Variants in CDKAL1 observed in about 807,000 individuals in gnomAD.
The protein encoded by CDKAL1 is CDKAL1 threonylcarbamoyladenosine tRNA methylthiotransferase.
CDKAL1 carries 32 observed loss-of-function variants against 68.2 expected under a neutral mutation model. The ratio of observed to expected loss-of-function variants is 0.47; its 90% CI spans 0.35 to 0.63. The LOEUF (loss-of-function observed/expected upper bound fraction) is 0.63, where lower values mean the gene tolerates loss of function less well. Ranked by LOEUF, CDKAL1 falls within the 30% of genes least tolerant of loss-of-function variation. The pLI is 0.00. For missense variants in CDKAL1, 606 were observed against 696.7 expected (o/e 0.87, Z 1.47); for synonymous variants, 234 against 244.3 (o/e 0.96, Z 0.39).
intron 2 of CDKAL1, 85 bp from the exon 3 acceptor site, chr6:20,546,261 C>G (rs1375117763): frequency 9.5e-7 from 1 of 1,056,566 alleles, no homozygotes; most frequent in Non-Finnish European, 1.4e-6. Flanking sequence ...TGATTAGATT[C>G]AAATTTGGTG....
rs181964179 is a variant in CDKAL1, at chr6:20,815,808, T to A, written c.639-30267T>A. Among the ~76,000 whole-genome samples the A allele has an allele frequency of 1.1e-4, 17 of 152,336 alleles. No individual in the cohort carries two copies. The East Asian group carries it at 1.3e-3, about 12-fold the overall frequency. Reference sequence around the variant, plus strand: ...ATGTTGGTATGCATATAATTGCATGTTAATTTTAACACAACTGAGATCAGT... The same window carrying A: ...ATGTTGGTATGCATATAATTGCATGATAATTTTAACACAACTGAGATCAGT... On this transcript the variant is annotated intron_variant, in intron 8 of 15. Transcript: ENST00000274695.
chr6:20,788,254 A>T (rs1334903718), intron 8 of CDKAL1, among the ~76,000 whole-genome samples: 1 of 152,254 alleles, frequency 6.6e-6, no homozygotes, highest in Non-Finnish European at 1.5e-5. Flanking sequence ...TGTAGCTTAC[A>T]TCAAGTCACA....
At chr6:20,551,532 T>G (rs1266465287) in intron 4 of CDKAL1, among the ~76,000 whole-genome samples, 1 of 151,610 alleles carries the variant, frequency 6.6e-6, no homozygotes, top group Non-Finnish European at 1.5e-5. Context: ...CATGCCTGGC[T>G]AATTTTTTTG....
At chr6:20,738,323 G>C (rs1402733727) in intron 5 of CDKAL1, among the ~76,000 whole-genome samples, 1 of 152,078 alleles carries the variant, frequency 6.6e-6, no homozygotes, top group African/African-American at 2.4e-5. Context: ...GTTCTGCTTT[G>C]TTCACTACTG....
intron 8 of CDKAL1, among the ~76,000 whole-genome samples, chr6:20,838,185 T>C (rs183647305): frequency 6.2e-4 from 94 of 152,262 alleles, no homozygotes; most frequent in South Asian, 1.9e-3. Context: ...TCTTAAAGGA[T>C]AAATTATATG....
At chr6:21,001,080 G>A (rs1767402432) in intron 11 of CDKAL1, among the ~76,000 whole-genome samples, 1 of 152,204 alleles carries the variant, frequency 6.6e-6, no homozygotes, top group Non-Finnish European at 1.5e-5. Context: ...TGTTGGCCCA[G>A]GTCACACAGA....
At chr6:21,197,716 T>C (rs944614773) in intron 13 of CDKAL1, among the ~76,000 whole-genome samples, 1 of 152,224 alleles carries the variant, frequency 6.6e-6, no homozygotes, top group African/African-American at 2.4e-5. Flanking sequence ...TTTTTGTATG[T>C]CATAGAAGCT....
chr6:20,983,865 T>G (rs1766291384), intron 10 of CDKAL1, among the ~76,000 whole-genome samples: 1 of 152,204 alleles, frequency 6.6e-6, no homozygotes, highest in African/African-American at 2.4e-5. Flanking sequence ...GTTAACACCT[T>G]TATGCAAATT....
intron 13 of CDKAL1, among the ~76,000 whole-genome samples, chr6:21,170,367 C>G (rs1777329965): frequency 6.6e-6 from 1 of 152,196 alleles, no homozygotes; most frequent in Non-Finnish European, 1.5e-5. Context: ...TGGAGTCTCA[C>G]TCTGTCACAC....
At chr6:20,746,323 G>A (rs1157941167) in intron 6 of CDKAL1, among the ~76,000 whole-genome samples, 1 of 152,160 alleles carries the variant, frequency 6.6e-6, no homozygotes, top group Non-Finnish European at 1.5e-5. Flanking sequence ...TTCTACCTTT[G>A]GGGAAGAATC....
chr6:21,150,411 T>G (rs1415876591), intron 13 of CDKAL1, among the ~76,000 whole-genome samples: 1 of 152,208 alleles, frequency 6.6e-6, no homozygotes, highest in Admixed American at 6.5e-5. Flanking sequence ...TTTCCTTTAG[T>G]GCAGGGCCGT....
chr6:20,909,340 G>A (rs1032322553), intron 9 of CDKAL1, among the ~76,000 whole-genome samples: 19 of 151,998 alleles, frequency 1.3e-4, no homozygotes, highest in African/African-American at 4.6e-4. Context: ...TTGATGATGG[G>A]ACCAAAAATG....
intron 4 of CDKAL1, among the ~76,000 whole-genome samples, chr6:20,587,195 C>T (rs1765405029): frequency 6.6e-6 from 1 of 151,950 alleles, no homozygotes; most frequent in Admixed American, 6.6e-5. Context: ...CCATTTTGGC[C>T]AAGCTGATCT....
At chr6:20,770,547 A>G (rs1774897689) in intron 7 of CDKAL1, among the ~76,000 whole-genome samples, 1 of 152,212 alleles carries the variant, frequency 6.6e-6, no homozygotes. Flanking sequence ...TTCAATCTTT[A>G]ACAGACCATG....
chr6:21,005,971 A>C (rs1767703120), intron 11 of CDKAL1, among the ~76,000 whole-genome samples: 1 of 152,078 alleles, frequency 6.6e-6, no homozygotes, highest in African/African-American at 2.4e-5. Flanking sequence ...CATTCAATGG[A>C]AGGGGCACAA....
intron 9 of CDKAL1, among the ~76,000 whole-genome samples, chr6:20,908,330 C>T (rs1333073388): frequency 6.6e-6 from 1 of 152,294 alleles, no homozygotes; most frequent in East Asian, 1.9e-4. Context: ...GTATTTATCA[C>T]ATTTGGATGG....
chr6:20,553,969 G>A (rs572157859), intron 4 of CDKAL1, among the ~76,000 whole-genome samples: 251 of 149,930 alleles, frequency 1.7e-3, no homozygotes, highest in African/African-American at 5.8e-3. Context: ...ACAGGTGTGC[G>A]GTACCATGCC....
chr6:20,709,998 G>A (rs1771776098), intron 5 of CDKAL1, among the ~76,000 whole-genome samples: 1 of 152,028 alleles, frequency 6.6e-6, no homozygotes, highest in East Asian at 1.9e-4. Flanking sequence ...AATGGATGTT[G>A]GAATCAACTA....
chr6:20,618,346 T>C (rs947509737), intron 4 of CDKAL1, among the ~76,000 whole-genome samples: 9 of 152,232 alleles, frequency 5.9e-5, no homozygotes, highest in African/African-American at 2.2e-4. Flanking sequence ...GCAAAAATTT[T>C]CTCCCATTCT....
Sources: allele counts gnomAD v4.1 joint callset (sites outside exome capture counted in the v4.1 genomes callset), GRCh38; gene constraint gnomAD v4.1.1; transcripts MANE v1.5; gene names NCBI Gene and HGNC (gene_info 2026-07-23, HGNC 2026-07-21).